The following CDK19 variants were observed in gnomAD, a reference collection of about 807,000 sequenced individuals.
CDK19 encodes cyclin-dependent kinase 19.
CDK19 carries 20 observed loss-of-function variants against 68.3 expected under a neutral mutation model. The ratio of observed to expected loss-of-function variants is 0.29; its 90% CI spans 0.21 to 0.43. The LOEUF (loss-of-function observed/expected upper bound fraction) is 0.43, where lower values mean the gene tolerates loss of function less well. CDK19 is among the 20% of genes least tolerant of loss of function. The pLI, the probability that CDK19 is intolerant of heterozygous loss-of-function variation, is 1.00. For missense variants in CDK19, 339 were observed against 623.5 expected (o/e 0.54, Z 4.86); for synonymous variants, 221 against 222.8 (o/e 0.99, Z 0.07).
At position 110,759,002 on chromosome 6, in the gene CDK19, C is replaced by A. The variant is rs186811225; in HGVS notation, c.129-12801G>T. 2.4e-3 allele frequency among the ~76,000 whole-genome samples: 367 copies of A among 152,220 alleles called. 1 individual carries two copies. The highest frequency in any genetic ancestry group is 8.5e-3 in the African/African-American group (353 of 41,552). ...ATGGGCCAGGTATAATGGCCCATGC[C>A]TGTAATCCTAGCACTTAGGGAGGCC... On this transcript the variant is annotated intron_variant, in intron 1 of 12. Transcript: ENST00000368911.
At position 110,640,228 on chromosome 6, in the gene CDK19, T is replaced by C. The variant is rs146571963; in HGVS notation, c.457-1522A>G. 7.6e-4 allele frequency among the ~76,000 whole-genome samples: 41 copies of C among 53,694 alleles called. No homozygotes were observed. In the East Asian group the frequency reaches 0.018, roughly 24 times the overall value. The allele number at this position is 53,694 out of a possible 152,430, so 35.2% of individuals were successfully genotyped here. A position where few individuals can be genotyped will look rare whatever the true frequency, so the allele number is the denominator to read the frequency against. ...GGCTGGGTGACAGAGCAAGACCCTG[T>C]CACAAAAAAAAAAAAAAAAAAAAAA... On this transcript the variant is annotated intron_variant, in intron 4 of 12. Coordinates refer to ENST00000368911, the MANE Select transcript of CDK19 (RefSeq NM_015076.5).
chr6:110,670,380 G>A (rs768113034), intron 3 of CDK19, 51 bp downstream of exon 3: 1 of 933,262 alleles, frequency 1.1e-6, no homozygotes, highest in South Asian at 1.4e-5. Flanking sequence ...ATATAAATAT[G>A]CTCCATACCT....
At chr6:110,737,855 C>G (rs1777357824) in intron 2 of CDK19, among the ~76,000 whole-genome samples, 1 of 152,078 alleles carries the variant, frequency 6.6e-6, no homozygotes, top group African/African-American at 2.4e-5. Flanking sequence ...AAGGAAATAT[C>G]CATGCTGAGT....
intron 2 of CDK19, among the ~76,000 whole-genome samples, chr6:110,709,847 G>T (rs1009035298): frequency 1.3e-5 from 2 of 151,968 alleles, no homozygotes; most frequent in Non-Finnish European, 2.9e-5. Flanking sequence ...ATATACAAGG[G>T]TAGAATCTAA....
rs563638573 is a variant in CDK19 at position 110,670,909 on chromosome 6, A to G, written c.205-368T>C. 8 of 385,250 alleles carry G rather than the reference A, an allele frequency of 2.1e-5. No homozygotes were observed. The East Asian group carries it at 2.1e-4, about 10-fold the overall frequency. 23.9% of individuals were successfully genotyped at this position (385,250 alleles called of 1,614,324 possible). A position where few individuals can be genotyped will look rare whatever the true frequency, so the allele number is the denominator to read the frequency against. On this transcript the variant is annotated intron_variant, in intron 2 of 12. Coordinates refer to ENST00000368911, the MANE Select transcript of CDK19 (RefSeq NM_015076.5). ...TAATTAATTACATTTTTGTACATGC[A>G]TATCTTTTTTACTAAAGAAACTGTT...
At chr6:110,649,991 G>A (rs1780861914) in intron 4 of CDK19, among the ~76,000 whole-genome samples, 1 of 152,112 alleles carries the variant, frequency 6.6e-6, no homozygotes. Context: ...AAAAATGCCA[G>A]ATTACAATTT....
At chr6:110,755,784 G>C (rs1365520363) in intron 1 of CDK19, among the ~76,000 whole-genome samples, 1 of 152,120 alleles carries the variant, frequency 6.6e-6, no homozygotes, top group Non-Finnish European at 1.5e-5. Flanking sequence ...TCCAGCAAGA[G>C]AAACATGATC....
chr6:110,813,320 A>C (rs1583162344), intron 1 of CDK19: 1 of 151,712 alleles, frequency 6.6e-6, no homozygotes, highest in African/African-American at 2.4e-5. Context: ...CTATTTTAAC[A>C]AAAAAAACAC....
At chr6:110,674,761 G>A (rs928169808) in intron 2 of CDK19, among the ~76,000 whole-genome samples, 2 of 152,064 alleles carry the variant, frequency 1.3e-5, no homozygotes, top group Non-Finnish European at 2.9e-5. Context: ...AATTAGCTGG[G>A]CGTAGTGGCA....
chr6:110,808,825 G>A (rs1465508033), intron 1 of CDK19, among the ~76,000 whole-genome samples: 1 of 152,124 alleles, frequency 6.6e-6, no homozygotes, highest in Non-Finnish European at 1.5e-5. Flanking sequence ...CAGATTACTA[G>A]TCTAGCAATT....
intron 1 of CDK19, among the ~76,000 whole-genome samples, chr6:110,779,395 G>A (rs1480985833): frequency 6.6e-6 from 1 of 152,032 alleles, no homozygotes; most frequent in African/African-American, 2.4e-5. Context: ...AAATATGAAT[G>A]GACAATGTTC....
intron 4 of CDK19, among the ~76,000 whole-genome samples, chr6:110,652,293 A>T (rs1236751206): frequency 6.6e-6 from 1 of 152,220 alleles, no homozygotes; most frequent in Non-Finnish European, 1.5e-5. Context: ...TGAGAAGGCT[A>T]TTGGAATGGA....
intron 2 of CDK19, among the ~76,000 whole-genome samples, chr6:110,714,722 C>CTTTT (rs112875656): frequency 4.3e-5 from 3 of 69,848 alleles, no homozygotes; most frequent in East Asian, 2.8e-4. Context: ...AATGTCTTTT[C>CTTTT]TTTTTTTTTT....
chr6:110,620,970 C>T (rs1778673519), intron 12 of CDK19, 134 bp downstream of exon 12: 2 of 781,226 alleles, frequency 2.6e-6, no homozygotes, highest in African/African-American at 3.5e-5. Context: ...AAATCTTCCT[C>T]TTCATAGAAT....
chr6:110,638,674 A>T lies in CDK19; in HGVS notation c.489T>A (p.Gly163=). ...KPANILVMGE[G]PERGRVKIAD... is the part of the protein sequence containing the mutation. ...CTATTTTGACTCTCCCCCTCTCAGGACCTTCTCCCATTACTAGGATATTTG... is the reference window on the plus strand; with the variant it reads ...CTATTTTGACTCTCCCCCTCTCAGGTCCTTCTCCCATTACTAGGATATTTG... The change falls in exon 5 of 13, where the codon GGT becomes GGA. Residue 163 remains glycine (G), a synonymous_variant. Transcript: ENST00000368911. 1 of 1,543,742 alleles carries T rather than the reference A, an allele frequency of 6.5e-7. No homozygotes were observed. Among genetic ancestry groups the T allele is most frequent in the Non-Finnish European group, 8.9e-7 (1 of 1,118,410 alleles).
At chr6:110,812,245 C>T (rs1368122805) in intron 1 of CDK19, among the ~76,000 whole-genome samples, 2 of 151,946 alleles carry the variant, frequency 1.3e-5, no homozygotes, top group Middle Eastern at 3.2e-3. Context: ...CTCAGCCTCC[C>T]GAGCAGCTGG....
chr6:110,696,719 C>T (rs1243847695), intron 2 of CDK19, among the ~76,000 whole-genome samples: 2 of 151,862 alleles, frequency 1.3e-5, no homozygotes, highest in Non-Finnish European at 2.9e-5. Context: ...GCCAGGATTT[C>T]GAGACCAGCC....
At chr6:110,660,458 AG>A (rs1781550603) in intron 4 of CDK19, among the ~76,000 whole-genome samples, 1 of 152,072 alleles carries the variant, frequency 6.6e-6, no homozygotes, top group South Asian at 2.1e-4. Flanking sequence ...AGCTCAGTGG[AG>A]GGTTGGTGTG....
At chr6:110,731,404 T>C (rs1291628569) in intron 2 of CDK19, among the ~76,000 whole-genome samples, 1 of 152,000 alleles carries the variant, frequency 6.6e-6, no homozygotes, top group Admixed American at 6.6e-5. Context: ...AGAAAGTAGA[T>C]TTAGATTAGT....
Sources: allele counts gnomAD v4.1 joint callset (sites outside exome capture counted in the v4.1 genomes callset), GRCh38; gene constraint gnomAD v4.1.1; transcripts MANE v1.5; gene names NCBI Gene and HGNC (gene_info 2026-07-23, HGNC 2026-07-21).